The following USP35 variants were observed in gnomAD, a reference collection of about 807,000 sequenced individuals.
USP35 encodes ubiquitin specific peptidase 35.
USP35 carries 69 observed loss-of-function variants against 83.8 expected under a neutral mutation model. That is an observed-to-expected ratio of 0.82 (90% CI 0.68 to 1.01). The LOEUF (loss-of-function observed/expected upper bound fraction) is 1.01. Ranked by LOEUF, USP35 falls within the 50% of genes least tolerant of loss-of-function variation. The pLI is 0.00. For missense variants in USP35, 1,503 were observed against 1,362.5 expected, an observed-to-expected ratio of 1.10 and a Z score of -1.62; for synonymous variants, 714 against 589.5, an observed-to-expected ratio of 1.21 and a Z score of -3.06.
chr11:78,200,224 C>G lies in USP35; in HGVS notation c.1028C>G (p.Ala343Gly). ...MLLTFQHSHE[A>G]FHLLLPHIPP... ...CTGACCTTCCAGCACTCCCACGAAG[C>G]CTTCCACCTGGTAAGGTCCCCTGCC... The change falls in exon 5 of 11, where the codon GCC (alanine) becomes GGC (glycine). Residue 343 changes from alanine (A) to glycine (G), a missense_variant. Ala to Gly is a moderately conservative substitution (Grantham distance 60, BLOSUM62 0). Transcript: ENST00000529308. The G allele has an allele frequency of 6.2e-7, 1 of 1,614,194 alleles. No individual in the cohort carries two copies. The highest frequency in any genetic ancestry group is 1.1e-5 in the South Asian group (1 of 91,086).
At chr11:78,213,320 G>A (rs1863875064) in intron 10 of USP35, among the ~76,000 whole-genome samples, 4 of 152,144 alleles carry the variant, frequency 2.6e-5, no homozygotes, top group Admixed American at 2.6e-4. Context: ...TCGTGATCAT[G>A]AGGCCTGCGG....
chr11:78,205,807 C>G (rs759507496), intron 6 of USP35, 35 bp from the exon 7 acceptor site: 24 of 1,580,642 alleles, frequency 1.5e-5, no homozygotes, highest in Non-Finnish European at 2.1e-5. Flanking sequence ...ACCCTGGTGC[C>G]CACCATCCTG....
intron 8 of USP35, among the ~76,000 whole-genome samples, chr11:78,208,541 C>G (rs1179087034): frequency 3.9e-5 from 6 of 152,150 alleles, no homozygotes; most frequent in African/African-American, 1.2e-4. Context: ...AGCGCTGTAT[C>G]TGGGACTCAT....
chr11:78,231,207 GA>G, the USP35 span, among the ~76,000 whole-genome samples: 3 of 152,226 alleles, frequency 2.0e-5, no homozygotes, highest in African/African-American at 7.2e-5. Context: ...AAGTTTGAGA[GA>G]AGATATTCCC....
intron 3 of USP35, chr11:78,198,536 T>G (rs1393909826): frequency 2.3e-6 from 2 of 863,220 alleles, no homozygotes; most frequent in Non-Finnish European, 2.8e-6. Context: ...TAGACGCACC[T>G]GCCTGTCCAG....
chr11:78,229,160 T>A, the USP35 span, among the ~76,000 whole-genome samples: 1 of 152,052 alleles, frequency 6.6e-6, no homozygotes, highest in Non-Finnish European at 1.5e-5. Flanking sequence ...TGGTAGACAA[T>A]GTCAGGGAAG....
In USP35 at chr11:78,205,762, AG is replaced by A; in HGVS notation, c.1198-78del. The A allele has an allele frequency of 4.7e-6, 7 of 1,497,602 alleles. 1 individual carries two copies. In the South Asian group the frequency reaches 7.6e-5, roughly 16 times the overall value. 92.8% of individuals were successfully genotyped at this position (1,497,602 alleles called of 1,614,324 possible). ...GCCTTGGGGTTGGCTGTATCTGAGA[AG>A]GCCTCCCAGAAGAGGTGGTAGTTTT... On this transcript the variant is annotated intron_variant, in intron 6 of 10. Coordinates refer to ENST00000529308, the MANE Select transcript of USP35 (RefSeq NM_020798.4).
At position 78,214,887 on chromosome 11, in the gene USP35, T is replaced by G. The variant is rs201168144; in HGVS notation, c.*1074T>G. 0.011 allele frequency among the ~76,000 whole-genome samples: 914 copies of G among 83,294 alleles called. 7 individuals are homozygous for G. Among genetic ancestry groups the G allele is most frequent in the African/African-American group, 0.037 (521 of 13,998 alleles). 54.6% of individuals were successfully genotyped at this position (83,294 alleles called of 152,430 possible). A position where few individuals can be genotyped will look rare whatever the true frequency, so the allele number is the denominator to read the frequency against. The stretch of plus-strand genomic sequence containing the variant: ...AAGTAAACGTGTGGACTGACTGACT[T>G]ACTTACCTTACTGAGGGCTGGGTGA... On this transcript the variant is annotated 3_prime_UTR_variant, in exon 11 of 11. Coordinates refer to ENST00000529308, the MANE Select transcript of USP35 (RefSeq NM_020798.4).
downstream of USP35, chr11:78,215,817 C>G (rs1449571752): frequency 2.6e-5 from 4 of 152,672 alleles, no homozygotes; most frequent in Non-Finnish European, 4.4e-5. Flanking sequence ...CTGGCTTCCC[C>G]TGCATTTTAT....
chr11:78,197,574 T>C (rs1389859323), intron 2 of USP35, among the ~76,000 whole-genome samples: 2 of 152,064 alleles, frequency 1.3e-5, no homozygotes, highest in Admixed American at 1.3e-4. Flanking sequence ...AAGGAAATGG[T>C]CTTTCTCATC....
chr11:78,198,619 C>T (rs1488387451), intron 3 of USP35: 1 of 985,342 alleles, frequency 1.0e-6, no homozygotes, highest in Non-Finnish European at 1.2e-6. Context: ...CCTGGCATGC[C>T]TCCCTCTGCC....
At chr11:78,197,238 T>G (rs370664390) in intron 2 of USP35, among the ~76,000 whole-genome samples, 157 of 68,674 alleles carry the variant, frequency 2.3e-3, no homozygotes, top group Admixed American at 3.9e-3. Context: ...GCGGGGGAGG[T>G]GGGGGGGGGG....
At chr11:78,236,848 A>G in the USP35 span, among the ~76,000 whole-genome samples, 2 of 152,146 alleles carry the variant, frequency 1.3e-5, no homozygotes, top group African/African-American at 4.8e-5. Flanking sequence ...CTTACCCCTA[A>G]TGTATACACA....
Position 78,215,196 on chromosome 11 carries a change from C to T in USP35, c.*1383C>T, listed in dbSNP as rs1301780139. On this transcript the variant is annotated 3_prime_UTR_variant, in exon 11 of 11. Transcript: ENST00000529308. ...TTCTTATTCACAGCCAAGAAAAATA[C>T]CCAATTATTTCCAAATAAAGCAAAA... is the stretch of plus-strand genomic sequence containing the variant. The T allele has an allele frequency of 6.6e-6, 1 of 152,438 alleles. No individual in the cohort carries two copies. Among genetic ancestry groups the T allele is most frequent in the Non-Finnish European group, 1.5e-5 (1 of 68,014 alleles). The allele number at this position is 152,438 out of a possible 1,614,324, so 9.4% of individuals were successfully genotyped here.
intron 8 of USP35, 135 bp from the exon 9 acceptor site, chr11:78,208,722 G>A (rs2256187): frequency 0.19 from 167,043 of 900,818 alleles, 18,492 homozygotes; most frequent in East Asian, 0.41. Context: ...ATAGAAAAGC[G>A]GGGAGGACCT....
intron 3 of USP35, chr11:78,199,159 C>T (rs543596151): frequency 9.9e-4 from 205 of 207,184 alleles, no homozygotes; most frequent in Non-Finnish European, 1.7e-3. Context: ...ATACAAGAAC[C>T]CTCTGAGGGA....
chr11:78,207,609 C>G lies in USP35; in HGVS notation c.1471C>G (p.Leu491Val). The change falls in exon 8 of 11, where the codon CTA (leucine) becomes GTA (valine). Residue 491 changes from leucine to valine, a missense_variant. Leu to Val is a conservative substitution (Grantham distance 32). Coordinates refer to ENST00000529308, the MANE Select transcript of USP35 (RefSeq NM_020798.4). ...MTKLQWLFGF[L>V]EHSQRPAISP... The stretch of plus-strand genomic sequence containing the variant: ...CAAGCTGCAGTGGCTCTTTGGCTTC[C>G]TAGAACACAGCCAGGTGAGTGTAGG... 6.2e-7 allele frequency: 1 copy of G among 1,613,998 alleles called. No individual in the cohort carries two copies. The highest frequency in any genetic ancestry group is 8.5e-7 in the Non-Finnish European group (1 of 1,179,968).
chr11:78,193,354 G>C (rs1164363819), intron 1 of USP35, among the ~76,000 whole-genome samples: 1 of 151,124 alleles, frequency 6.6e-6, no homozygotes, highest in Non-Finnish European at 1.5e-5. Flanking sequence ...ACTACGCCTG[G>C]CTAATTGATG....
chr11:78,219,790 C>T (rs975733335), downstream of USP35, among the ~76,000 whole-genome samples: 1 of 152,180 alleles, frequency 6.6e-6, no homozygotes, highest in African/African-American at 2.4e-5. Context: ...ACATCAGCCA[C>T]AGGACTTTAC....
Sources: gnomAD v4.1 joint callset for allele counts (sites outside exome capture counted in the v4.1 genomes callset) on GRCh38, gnomAD v4.1.1 for gene constraint, MANE v1.5 for transcripts, NCBI Gene and HGNC (gene_info 2026-07-23, HGNC 2026-07-21) for gene names.